Variants in KLHL11 observed in about 807,000 individuals in gnomAD.
KLHL11 encodes kelch like family member 11, also known as kelch-like protein 11.
KLHL11 carries 26 observed loss-of-function variants against 56.1 expected under a neutral mutation model. The observed-to-expected ratio is 0.46, with a 90% CI of 0.34 to 0.64. The LOEUF is 0.64. KLHL11 is among the 30% of genes least tolerant of loss of function. KLHL11 has a pLI of 0.01. For synonymous variants in KLHL11, 338 were observed against 345.8 expected (o/e 0.98, Z 0.25); for missense variants, 627 against 919.4 (o/e 0.68, Z 4.11).
intron 1 of KLHL11, among the ~76,000 whole-genome samples, chr17:41,862,097 T>C (rs1215596097): frequency 6.6e-6 from 1 of 152,014 alleles, no homozygotes; most frequent in Admixed American, 6.6e-5. Context: ...AGATTCTTTT[T>C]TTTTTTTGAG....
Position 41,849,307 on chromosome 17 carries a change from C to T in KLHL11, c.*4433G>A, listed in dbSNP as rs1413934665. ...TTGAGAAAAGTATCAAAAAAGAAGT[C>T]CCTTTAGTTATGCTTGATTAGACCA... On this transcript the variant is annotated 3_prime_UTR_variant, in exon 2 of 2. Transcript: ENST00000319121. 1 of 152,134 alleles carries T rather than the reference C, an allele frequency of 6.6e-6. No homozygotes were observed. The highest frequency in any genetic ancestry group is 6.5e-5 in the Admixed American group (1 of 15,270). 9.4% of individuals were successfully genotyped at this position (152,134 alleles called of 1,614,324 possible). A position where few individuals can be genotyped will look rare whatever the true frequency, so the allele number is the denominator to read the frequency against.
At position 41,852,300 on chromosome 17, in the gene KLHL11, A is replaced by G. The variant is rs1214847544; in HGVS notation, c.*1440T>C. Reference sequence around the variant, plus strand: ...CCAAAGTGTTGGGATTACAGTCATGAGCCACCGTGCCCAGCCCATAAACCT... The same window carrying G: ...CCAAAGTGTTGGGATTACAGTCATGGGCCACCGTGCCCAGCCCATAAACCT... On this transcript the variant is annotated 3_prime_UTR_variant, in exon 2 of 2. Transcript: ENST00000319121. 1.3e-5 allele frequency among the ~76,000 whole-genome samples: 2 copies of G among 150,864 alleles called. No homozygotes were observed. The highest frequency in any genetic ancestry group is 4.9e-5 in the African/African-American group (2 of 41,136).
chr17:41,854,903 C>A lies in KLHL11; in HGVS notation c.964G>T (p.Val322Phe), dbSNP rs1195815653. The change falls in exon 2 of 2, where the codon GTC becomes TTC. Residue 322 changes from valine (V) to phenylalanine (F), a missense_variant. Physicochemically the swap from Val to Phe is conservative, Grantham distance 50. Transcript: ENST00000319121. This position sits in a 1 kb window ranked among gnomAD's most constrained non-coding sequence, Gnocchi z 4.9. ...GCATGTCTCTCCACTGCGTCAGCGA[C>A]CAACTTGACACAAACTTCATTATTG... ...VANNEVCVKL[V>F]ADAVERHALR... is the part of the protein sequence containing the mutation. The A allele has an allele frequency of 6.2e-7, 1 of 1,614,104 alleles. No individual in the cohort carries two copies. The highest frequency in any genetic ancestry group is 8.5e-7 in the Non-Finnish European group (1 of 1,180,032).
intron 1 of KLHL11, among the ~76,000 whole-genome samples, chr17:41,858,006 T>G (rs1597948814): frequency 6.6e-6 from 1 of 151,970 alleles, no homozygotes; most frequent in Admixed American, 6.6e-5. Context: ...TTAGTAGAAA[T>G]AGGGTTTCAC....
At position 41,852,537 on chromosome 17, in the gene KLHL11, T is replaced by A. The variant is rs1319254541; in HGVS notation, c.*1203A>T. Among the ~76,000 whole-genome samples, 1 of 151,998 alleles carries A rather than the reference T, an allele frequency of 6.6e-6. No individual in the cohort carries two copies. Among genetic ancestry groups the A allele is most frequent in the Admixed American group, 6.6e-5 (1 of 15,264 alleles). ...TGGGCACGGTGGCTCATGCCTGTAATCCCAGCACTTTGGGAGGCTGAGGCG... is the reference window on the plus strand; with the variant it reads ...TGGGCACGGTGGCTCATGCCTGTAAACCCAGCACTTTGGGAGGCTGAGGCG... On this transcript the variant is annotated 3_prime_UTR_variant, in exon 2 of 2. Coordinates refer to ENST00000319121, the MANE Select transcript of KLHL11 (RefSeq NM_018143.3).
At chr17:41,862,220 T>C (rs1054191332) in intron 1 of KLHL11, among the ~76,000 whole-genome samples, 5 of 148,972 alleles carry the variant, frequency 3.4e-5, no homozygotes, top group South Asian at 4.3e-4. Flanking sequence ...TCCTGAGTAG[T>C]TGGGATTACA....
intron 1 of KLHL11, among the ~76,000 whole-genome samples, chr17:41,855,756 C>T (rs2048360886): frequency 6.6e-6 from 1 of 150,930 alleles, no homozygotes; most frequent in South Asian, 2.1e-4. Flanking sequence ...ATGGCAACCT[C>T]CGTCTCCCAG....
Position 41,864,820 on chromosome 17 carries a change from G to T in KLHL11, c.545+6C>A. 1.3e-6 allele frequency: 2 copies of T among 1,487,980 alleles called. No individual in the cohort carries two copies. Among genetic ancestry groups the T allele is most frequent in the South Asian group, 2.7e-5 (2 of 73,892 alleles). The allele number at this position is 1,487,980 out of a possible 1,614,324, so 92.2% of individuals were successfully genotyped here. On this transcript the variant is annotated splice_donor_region_variant and intron_variant, in intron 1 of 1. Transcript: ENST00000319121. ...CGCCCTCCGCGCTCCCGCCTCCCTC[G>T]CCTACCTGTCGGCCAACTCCAGCAC...
chr17:41,862,150 G>A (rs556820474), intron 1 of KLHL11, among the ~76,000 whole-genome samples: 4 of 151,432 alleles, frequency 2.6e-5, no homozygotes, highest in South Asian at 2.1e-4. Flanking sequence ...GTGCAGTGGC[G>A]TAATCTCAGC....
chr17:41,854,860 A>G lies in KLHL11; in HGVS notation c.1007T>C (p.Ile336Thr), dbSNP rs1425890742. ...GGGGTGCTGGCATGTGCCAGATTGT[A>G]TATTCTCAGCTCTCAGAGCATGTCT... ...VERHALRAEN[I>T]QSGTCQHPTS... The change falls in exon 2 of 2, where the codon ATA (isoleucine) becomes ACA (threonine). Residue 336 changes from isoleucine (I) to threonine (T), a missense_variant. Physicochemically the swap from Ile to Thr is moderately conservative, Grantham distance 89 (BLOSUM62 -1). Coordinates refer to ENST00000319121, the MANE Select transcript of KLHL11 (RefSeq NM_018143.3). This position sits in a 1 kb window ranked among gnomAD's most constrained non-coding sequence, Gnocchi z 4.9. The G allele has an allele frequency of 6.2e-7, 1 of 1,614,102 alleles. No individual in the cohort carries two copies. The highest frequency in any genetic ancestry group is 8.5e-7 in the Non-Finnish European group (1 of 1,180,050).
intron 1 of KLHL11, among the ~76,000 whole-genome samples, chr17:41,856,812 T>C (rs181048442): frequency 6.1e-5 from 9 of 148,660 alleles, no homozygotes; most frequent in South Asian, 4.3e-4. Context: ...AAGTCAGGAG[T>C]TTGAGACCAG....
chr17:41,859,704 C>T (rs894567595), intron 1 of KLHL11, among the ~76,000 whole-genome samples: 1 of 151,958 alleles, frequency 6.6e-6, no homozygotes, highest in African/African-American at 2.4e-5. Context: ...GCTGAGATCA[C>T]GCCACTGCAC....
chr17:41,863,328 G>C (rs1009819244), intron 1 of KLHL11, among the ~76,000 whole-genome samples: 1 of 151,714 alleles, frequency 6.6e-6, no homozygotes, highest in Non-Finnish European at 1.5e-5. Context: ...CTCCCCAACA[G>C]CTGGGATTAC....
At chr17:41,861,402 T>A (rs1170029508) in intron 1 of KLHL11, among the ~76,000 whole-genome samples, 2 of 152,220 alleles carry the variant, frequency 1.3e-5, no homozygotes, top group Non-Finnish European at 2.9e-5. Context: ...TCTTTTATTA[T>A]AAGAATGTCA....
rs1299468424 is a variant in KLHL11, at chr17:41,849,859, G to C, written c.*3881C>G. 3 of 152,052 alleles carry C rather than the reference G, an allele frequency of 2.0e-5. No homozygotes were observed. The highest frequency in any genetic ancestry group is 4.4e-5 in the Non-Finnish European group (3 of 67,990). The allele number at this position is 152,052 out of a possible 1,614,324, so 9.4% of individuals were successfully genotyped here. ...TATAGTTCAAGGATACCCATTCTAA[G>C]ATATAAGTAGCCTCACTCAAAGTTA... On this transcript the variant is annotated 3_prime_UTR_variant, in exon 2 of 2. Transcript: ENST00000319121.
intron 1 of KLHL11, among the ~76,000 whole-genome samples, chr17:41,863,144 C>T (rs887106493): frequency 6.6e-6 from 1 of 151,878 alleles, no homozygotes; most frequent in Non-Finnish European, 1.5e-5. Flanking sequence ...AGTCTCTCTG[C>T]GTCTGCCCTT....
At position 41,865,409 on chromosome 17, in the gene KLHL11, G is replaced by C. The variant is rs1464467193; in HGVS notation, c.-39C>G. ...CGCCCGGCCTCCACAGCCTCGGAAC[G>C]ATGCGGCTGTTGGTACGACACAGAG... is the stretch of plus-strand genomic sequence containing the variant. On this transcript the variant is annotated 5_prime_UTR_variant, in exon 1 of 2. In the 5' UTR this introduces an upstream ATG that the reference lacks. Transcript: ENST00000319121. The C allele has an allele frequency of 4.0e-6, 5 of 1,237,912 alleles. No individual in the cohort carries two copies. The highest frequency in any genetic ancestry group is 1.7e-5 in the South Asian group (1 of 60,036). The allele number at this position is 1,237,912 out of a possible 1,614,324, so 76.7% of individuals were successfully genotyped here. A position where few individuals can be genotyped will look rare whatever the true frequency, so the allele number is the denominator to read the frequency against.
At position 41,853,914 on chromosome 17, in the gene KLHL11, A is replaced by G. The variant is rs2048347506; in HGVS notation, c.1953T>C (p.Arg651=). The G allele has an allele frequency of 6.2e-7, 1 of 1,614,182 alleles. No homozygotes were observed. Among genetic ancestry groups the G allele is most frequent in the Non-Finnish European group, 8.5e-7 (1 of 1,180,040 alleles). The change falls in exon 2 of 2, where the codon CGT becomes CGC. Residue 651 remains arginine, a synonymous_variant. Coordinates refer to ENST00000319121, the MANE Select transcript of KLHL11 (RefSeq NM_018143.3). ...TCACGTGACAAGCAGTGGCTCTACA[A>G]CGAGGTTGTGGCATAGGAGGAAGAA... The part of the protein sequence containing the change: ...WMLLPPMPQP[R]CRATACHVRI...
At position 41,853,669 on chromosome 17, in the gene KLHL11, A is replaced by G. The variant is rs2048344352; in HGVS notation, c.*71T>C. ...AAATAAGTTATCGACATACTTTTTT[A>G]AATAACAGCCTGGGTATCTTCAGCT... On this transcript the variant is annotated 3_prime_UTR_variant, in exon 2 of 2. Coordinates refer to ENST00000319121, the MANE Select transcript of KLHL11 (RefSeq NM_018143.3). 1 of 1,501,682 alleles carries G rather than the reference A, an allele frequency of 6.7e-7. No homozygotes were observed. The highest frequency in any genetic ancestry group is 1.4e-5 in the African/African-American group (1 of 71,700). 93.0% of individuals were successfully genotyped at this position (1,501,682 alleles called of 1,614,324 possible). A position where few individuals can be genotyped will look rare whatever the true frequency, so the allele number is the denominator to read the frequency against.
Sources: gnomAD v4.1 joint callset for allele counts (sites outside exome capture counted in the v4.1 genomes callset) on GRCh38, gnomAD v4.1.1 for gene constraint, Gnocchi (gnomAD v3.1) non-coding constraint, MANE v1.5 for transcripts, NCBI Gene and HGNC (gene_info 2026-07-23, HGNC 2026-07-21) for gene names.